The following KCNH2 variants were observed in gnomAD, a reference collection of about 807,000 sequenced individuals.
The protein encoded by KCNH2 is potassium voltage-gated channel subfamily H member 2.
KCNH2 carries 35 observed loss-of-function variants against 95.9 expected under a neutral mutation model. The ratio of observed to expected loss-of-function variants is 0.37; its 90% CI spans 0.28 to 0.48. KCNH2 has a LOEUF of 0.48. Ranked by LOEUF, KCNH2 falls within the 20% of genes least tolerant of loss-of-function variation. KCNH2 has a pLI of 0.99. For missense variants in KCNH2, 1,274 were observed against 1,702.9 expected, an observed-to-expected ratio of 0.75 and a Z score of 4.43; for synonymous variants, 786 against 754.7, an observed-to-expected ratio of 1.04 and a Z score of -0.68.
intron 7 of KCNH2, 143 bp downstream of exon 7, chr7:150,951,305 C>A: frequency 1.7e-6 from 2 of 1,181,548 alleles, no homozygotes; most frequent in Non-Finnish European, 2.5e-6. Context: ...GGTGACCCAG[C>A]CCCCAAACCA....
Position 150,960,227 on chromosome 7 carries a change from A to G in KCNH2, c.308-491T>C, listed in dbSNP as rs148070511. 3.3e-3 allele frequency among the ~76,000 whole-genome samples: 506 copies of G among 152,264 alleles called. 1 individual carries two copies. The highest frequency in any genetic ancestry group is 0.011 in the African/African-American group (443 of 41,546). ...ATGCTTTTTTCCTAAATTATTTAACATCCTTGTGCCTCATTTTTTCCATCT... is the reference window on the plus strand; with the variant it reads ...ATGCTTTTTTCCTAAATTATTTAACGTCCTTGTGCCTCATTTTTTCCATCT... On this transcript the variant is annotated intron_variant, in intron 2 of 14. Transcript: ENST00000262186.
intron 2 of KCNH2, among the ~76,000 whole-genome samples, chr7:150,974,253 A>C (rs981565849): frequency 2.6e-5 from 4 of 152,152 alleles, no homozygotes; most frequent in Admixed American, 6.5e-5. Context: ...CTGTCCCTCC[A>C]TGACATCTCC....
At chr7:150,947,300 C>A in intron 13 of KCNH2, 28 bp downstream of exon 13, 1 of 1,513,882 alleles carries the variant, frequency 6.6e-7, no homozygotes, top group Non-Finnish European at 8.9e-7. Flanking sequence ...CCAGGGCGTG[C>A]CCCCCCACCC....
At position 150,950,921 on chromosome 7, in the gene KCNH2, C is replaced by T. The variant is rs794728384; in HGVS notation, c.2145G>A (p.Ala715=). 2.5e-6 allele frequency: 4 copies of T among 1,614,044 alleles called. No individual in the cohort carries two copies. Among genetic ancestry groups the T allele is most frequent in the Non-Finnish European group, 2.5e-6 (3 of 1,180,010 alleles). The change falls in exon 8 of 15, where the codon GCG becomes GCA. Residue 715 remains alanine (A), a splice_region_variant and synonymous_variant. Transcript: ENST00000262186. The part of the protein sequence containing the change: ...WSYTNGIDMN[A]VLKGFPECLQ... ...ACTGGCCACGCTCTGGTGGCCTCAC[C>T]GCGTTCATGTCGATGCCGTTGGTGT...
intron 2 of KCNH2, among the ~76,000 whole-genome samples, chr7:150,974,326 G>A (rs879349792): frequency 1.4e-4 from 22 of 152,264 alleles, no homozygotes; most frequent in African/African-American, 7.2e-5. Flanking sequence ...GGATGTCAGC[G>A]CACAACTGCC....
chr7:150,963,544 TA>T (rs1801623229), intron 2 of KCNH2, among the ~76,000 whole-genome samples: 1 of 152,060 alleles, frequency 6.6e-6, no homozygotes, highest in Non-Finnish European at 1.5e-5. Flanking sequence ...CTCATGTGGC[TA>T]ATGCCAGAAC....
At position 150,947,802 on chromosome 7, in the gene KCNH2, C is replaced by T. The variant is rs557789224; in HGVS notation, c.2769G>A (p.Pro923=). Residue 923 remains proline (P), a synonymous_variant, in exon 12 of 15, where the codon CCG becomes CCA. Coordinates refer to ENST00000262186, the MANE Select transcript of KCNH2 (RefSeq NM_000238.4). The stretch of plus-strand genomic sequence containing the variant: ...ACGGGCTCTCCCCCCACGGCCCCCC[C>T]GGCCGGCCCCGGCTACTCGGCCCTG... ...AGAGPSSRGR[P]GGPWGESPSS... The T allele has an allele frequency of 3.0e-5, 46 of 1,530,702 alleles. No individual in the cohort carries two copies. Among genetic ancestry groups the T allele is most frequent in the Middle Eastern group, 4.5e-4 (2 of 4,412 alleles). 94.8% of individuals were successfully genotyped at this position (1,530,702 alleles called of 1,614,324 possible).
chr7:150,951,578 G>C lies in KCNH2; in HGVS notation c.1815C>G (p.Pro605=), dbSNP rs1184158072. ...KPYNSSGLGG[P]SIKDKYVTAL... ...CCGTCACATACTTGTCCTTGATGGA[G>C]GGGCCGCCCAGGCCGCTGCTGTTGT... Residue 605 remains proline, a synonymous_variant, in exon 7 of 15, where the codon CCC becomes CCG. Coordinates refer to ENST00000262186, the MANE Select transcript of KCNH2 (RefSeq NM_000238.4). 1.9e-6 allele frequency: 3 copies of C among 1,614,078 alleles called. No individual in the cohort carries two copies. The highest frequency in any genetic ancestry group is 1.3e-5 in the African/African-American group (1 of 74,936).
chr7:150,952,911 G>A lies in KCNH2; in HGVS notation c.1129-58C>T. On this transcript the variant is annotated intron_variant, in intron 5 of 14. Coordinates refer to ENST00000262186, the MANE Select transcript of KCNH2 (RefSeq NM_000238.4). This position sits in a 1 kb window ranked among gnomAD's most constrained non-coding sequence, Gnocchi z 7.3. The stretch of plus-strand genomic sequence containing the variant: ...GCAGGCCATGGGACCTCGGGGGCAG[G>A]AGCGATGACATCTCTGCCGGGGCCA... The A allele has an allele frequency of 2.0e-6, 3 of 1,535,578 alleles. No homozygotes were observed. Among genetic ancestry groups the A allele is most frequent in the Non-Finnish European group, 2.7e-6 (3 of 1,120,486 alleles).
chr7:150,960,883 C>T (rs1379632983), intron 2 of KCNH2, among the ~76,000 whole-genome samples: 7 of 151,566 alleles, frequency 4.6e-5, no homozygotes, highest in East Asian at 1.9e-4. Flanking sequence ...CCCCCCAACC[C>T]GTGCTGATTT....
rs1419898245 is a variant in KCNH2 at position 150,952,232 on chromosome 7, G to A, written c.1557+193C>T. Among the ~76,000 whole-genome samples, 3 of 152,234 alleles carry A rather than the reference G, an allele frequency of 2.0e-5. No individual in the cohort carries two copies. Among genetic ancestry groups the A allele is most frequent in the Non-Finnish European group, 2.9e-5 (2 of 68,030 alleles). On this transcript the variant is annotated intron_variant, in intron 6 of 14. Coordinates refer to ENST00000262186, the MANE Select transcript of KCNH2 (RefSeq NM_000238.4). This position sits in a 1 kb window ranked among gnomAD's most constrained non-coding sequence, Gnocchi z 7.3. The stretch of plus-strand genomic sequence containing the variant: ...CGAGGAGCTTGTGTGGAGAGAAGGA[G>A]CATAGGTTTGCTGGGGTACCCACCT...
chr7:150,975,818 T>G (rs1417425531), intron 1 of KCNH2, among the ~76,000 whole-genome samples: 1 of 152,132 alleles, frequency 6.6e-6, no homozygotes, highest in East Asian at 1.9e-4. Flanking sequence ...GACCTGCAGC[T>G]CCAAACCCTG....
intron 6 of KCNH2, 90 bp from the exon 7 acceptor site, chr7:150,951,925 G>C (rs766468505): frequency 1.1e-4 from 135 of 1,283,076 alleles, no homozygotes; most frequent in Non-Finnish European, 1.4e-4. Flanking sequence ...GCGAGCATCA[G>C]AGGTCAGATC....
At chr7:150,974,618 CA>C in intron 2 of KCNH2, 92 bp downstream of exon 2, 7 of 763,354 alleles carry the variant, frequency 9.2e-6, no homozygotes, top group East Asian at 7.3e-5. Flanking sequence ...GCCGCCCCCA[CA>C]CCCCCACACC....
rs142590566 is a variant in KCNH2 at position 150,959,653 on chromosome 7, C to A, written c.391G>T (p.Val131Leu). The A allele has an allele frequency of 3.3e-5, 53 of 1,614,094 alleles. No homozygotes were observed. Among genetic ancestry groups the A allele is most frequent in the Middle Eastern group, 1.6e-4 (1 of 6,084 alleles). The change falls in exon 3 of 15, where the codon GTG (valine) becomes TTG (leucine). Residue 131 changes from valine to leucine, a missense_variant. By Grantham distance (32) the Val-to-Leu change is conservative (BLOSUM62 1). Coordinates refer to ENST00000262186, the MANE Select transcript of KCNH2 (RefSeq NM_000238.4). The stretch of plus-strand genomic sequence containing the variant: ...CCCACCATGTCCTTCTCCATCACCA[C>A]CTCGAAATTGAGGATGAACATGATG... ...AVIMFILNFE[V>L]VMEKDMVGSP...
chr7:150,977,682 C>A (rs1320301471), intron 1 of KCNH2, among the ~76,000 whole-genome samples, 156 bp downstream of exon 1: 2 of 151,492 alleles, frequency 1.3e-5, no homozygotes, highest in Non-Finnish European at 1.5e-5. Context: ...CCAAGCCTTG[C>A]CCCCGCCGTC....
Position 150,977,933 on chromosome 7 carries a change from C to T in KCNH2, c.-20G>A, listed in dbSNP as rs753899131. On this transcript the variant is annotated 5_prime_UTR_variant, in exon 1 of 15. Coordinates refer to ENST00000262186, the MANE Select transcript of KCNH2 (RefSeq NM_000238.4). Reference sequence around the variant, plus strand: ...CGGCATCCTGAGCCCATGGGCGGGCCGGGCGGGCCCCCACCCACCCCGGCC... The same window carrying T: ...CGGCATCCTGAGCCCATGGGCGGGCTGGGCGGGCCCCCACCCACCCCGGCC... 9.5e-6 allele frequency: 15 copies of T among 1,573,562 alleles called. No individual in the cohort carries two copies. In the African/African-American group the frequency reaches 2.1e-4, roughly 22 times the overall value.
rs1800958394 is a variant in KCNH2 at position 150,947,645 on chromosome 7, C to T, written c.2926G>A (p.Asp976Asn). 2.5e-6 allele frequency: 4 copies of T among 1,612,062 alleles called. No homozygotes were observed. Among genetic ancestry groups the T allele is most frequent in the Non-Finnish European group, 3.4e-6 (4 of 1,179,276 alleles). Residue 976 changes from aspartate (D) to asparagine (N), a missense_variant, in exon 12 of 15, where the codon GAC becomes AAC. Coordinates refer to ENST00000262186, the MANE Select transcript of KCNH2 (RefSeq NM_000238.4). ...EPPGGEPLME[D>N]CEKSSDTCNP... is the part of the protein sequence containing the mutation. Reference sequence around the variant, plus strand: ...CAAGTGTCGCTGCTCTTCTCGCAGTCCTCCATCAGGGGCTCCCCACCCGGC... The same window carrying T: ...CAAGTGTCGCTGCTCTTCTCGCAGTTCTCCATCAGGGGCTCCCCACCCGGC...
intron 5 of KCNH2, among the ~76,000 whole-genome samples, chr7:150,954,455 G>A (rs1032455592): frequency 6.6e-6 from 1 of 152,168 alleles, no homozygotes; most frequent in Non-Finnish European, 1.5e-5. Flanking sequence ...CACTGCCCCA[G>A]GGTACAAACT....
Sources: allele counts gnomAD v4.1 joint callset (sites outside exome capture counted in the v4.1 genomes callset), GRCh38; gene constraint gnomAD v4.1.1; non-coding constraint Gnocchi (gnomAD v3.1); transcripts MANE v1.5; gene names NCBI Gene and HGNC (gene_info 2026-07-23, HGNC 2026-07-21).